Variants in WDPCP observed in about 807,000 individuals in gnomAD.
WDPCP encodes the protein WD repeat-containing and planar cell polarity effector protein fritz homolog.
A neutral mutation model predicts 93.1 loss-of-function variants in WDPCP; 71 were observed. The ratio of observed to expected loss-of-function variants is 0.76; its 90% CI spans 0.63 to 0.93. The LOEUF (loss-of-function observed/expected upper bound fraction) is 0.93, where lower values mean the gene tolerates loss of function less well. WDPCP is among the 40% of genes least tolerant of loss of function. The pLI, the probability that WDPCP is intolerant of heterozygous loss-of-function variation, is 0.00. For synonymous variants in WDPCP, 315 were observed against 315.0 expected (o/e 1.00, Z 0.00); for missense variants, 844 against 887.4 (o/e 0.95, Z 0.62).
intron 2 of WDPCP, among the ~76,000 whole-genome samples, chr2:63,699,335 A>C (rs2103698479): frequency 6.6e-6 from 1 of 152,326 alleles, no homozygotes; most frequent in African/African-American, 2.4e-5. Flanking sequence ...CGTGAAAGAA[A>C]CCCATGTTCT....
chr2:63,303,022 G>A (rs1322235605), intron 13 of WDPCP, among the ~76,000 whole-genome samples: 4 of 152,122 alleles, frequency 2.6e-5, no homozygotes, highest in Non-Finnish European at 5.9e-5. Flanking sequence ...GTGGGGTCAG[G>A]GTATATACCC....
At chr2:63,201,975 A>G (rs960834721) in intron 14 of WDPCP, among the ~76,000 whole-genome samples, 11 of 150,334 alleles carry the variant, frequency 7.3e-5, no homozygotes, top group African/African-American at 2.0e-4. Flanking sequence ...TTGTTTTTCT[A>G]TTTTCTAGAT....
At chr2:63,583,638 G>A (rs568315271) in intron 1 of WDPCP, among the ~76,000 whole-genome samples, 10 of 149,876 alleles carry the variant, frequency 6.7e-5, no homozygotes, top group Non-Finnish European at 1.2e-4. Context: ...CCAAGATTGC[G>A]CCACTGCACT....
intron 14 of WDPCP, among the ~76,000 whole-genome samples, chr2:63,243,278 T>A (rs1159923164): frequency 6.6e-6 from 1 of 152,204 alleles, no homozygotes; most frequent in East Asian, 1.9e-4. Context: ...TTTGCATCTC[T>A]CTGATGGTTA....
intron 3 of WDPCP, among the ~76,000 whole-genome samples, chr2:63,645,806 T>A (rs1710041138): frequency 6.6e-6 from 1 of 152,242 alleles, no homozygotes; most frequent in African/African-American, 2.4e-5. Flanking sequence ...TTTTGTCTGA[T>A]ATAAGTATAG....
At chr2:63,217,224 A>C (rs75137252) in intron 14 of WDPCP, among the ~76,000 whole-genome samples, 2,716 of 152,316 alleles carry the variant, frequency 0.018, 89 homozygotes, top group African/African-American at 0.062. Flanking sequence ...TGTTATATAG[A>C]ATTTATATTT....
At chr2:63,127,662 C>CATATATATATAT (rs67091232) in intron 17 of WDPCP, among the ~76,000 whole-genome samples, 71 of 131,702 alleles carry the variant, frequency 5.4e-4, no homozygotes, top group African/African-American at 6.3e-4. Context: ...TGTGTATGTG[C>CATATATATATAT]ATATATATAT....
chr2:63,636,902 T>A (rs1192820770), intron 3 of WDPCP, among the ~76,000 whole-genome samples: 1 of 152,180 alleles, frequency 6.6e-6, no homozygotes, highest in African/African-American at 2.4e-5. Context: ...CCACTTTACA[T>A]CACTTCCAAA....
chr2:63,546,927 A>T (rs1705195085), intron 1 of WDPCP, among the ~76,000 whole-genome samples: 1 of 152,094 alleles, frequency 6.6e-6, no homozygotes, highest in African/African-American at 2.4e-5. Context: ...TAAAAAAAAG[A>T]CAAAAGATTT....
intron 6 of WDPCP, among the ~76,000 whole-genome samples, chr2:63,445,871 T>C (rs1451541764): frequency 6.6e-6 from 1 of 152,126 alleles, no homozygotes; most frequent in Non-Finnish European, 1.5e-5. Context: ...GCATGTAAAA[T>C]GACAGTATAA....
chr2:63,405,853 C>T (rs1290056232), intron 9 of WDPCP, among the ~76,000 whole-genome samples: 1 of 152,032 alleles, frequency 6.6e-6, no homozygotes, highest in Non-Finnish European at 1.5e-5. Flanking sequence ...CATATATCTA[C>T]ACGTTAAAAT....
At chr2:63,520,126 A>G (rs1459556397) in intron 1 of WDPCP, among the ~76,000 whole-genome samples, 1 of 152,230 alleles carries the variant, frequency 6.6e-6, no homozygotes, top group Non-Finnish European at 1.5e-5. Context: ...CAAACTGAGG[A>G]AAGAATCTCA....
In WDPCP at chr2:63,597,394, C is replaced by A. The variant is rs78810459; in HGVS notation, n.488+53265G>T. 2.6e-4 allele frequency: 359 copies of A among 1,384,644 alleles called. 2 individuals carry two copies. The East Asian group carries it at 9.4e-3, about 36-fold the overall frequency. The allele number at this position is 1,384,644 out of a possible 1,614,324, so 85.8% of individuals were successfully genotyped here. ...AGCTCTGCGTATTTATTGCCATGTC[C>A]ACAGATGTCATCGCAACAGATAAAG... is the stretch of plus-strand genomic sequence containing the variant. On this transcript the variant is annotated intron_variant and non_coding_transcript_variant, in intron 3 of 4. Transcript: ENST00000467687.
chr2:63,499,608 G>C lies in WDPCP; in HGVS notation c.76-6668C>G, dbSNP rs530835144. 4.6e-5 allele frequency among the ~76,000 whole-genome samples: 7 copies of C among 152,306 alleles called. No individual in the cohort carries two copies. The South Asian group carries it at 1.2e-3, about 27-fold the overall frequency. On this transcript the variant is annotated intron_variant, in intron 1 of 17. Transcript: ENST00000272321. The stretch of plus-strand genomic sequence containing the variant: ...TATTCAGTAACAAGGACCTGAATTG[G>C]GGTGGTGGCAGCTGGAATATAACAA...
At chr2:63,708,891 T>G (rs1039254683) in intron 2 of WDPCP, among the ~76,000 whole-genome samples, 2 of 151,252 alleles carry the variant, frequency 1.3e-5, no homozygotes, top group African/African-American at 4.8e-5. Flanking sequence ...ATTGCAGGCA[T>G]GAGCCACCTC....
intron 2 of WDPCP, among the ~76,000 whole-genome samples, chr2:63,667,466 C>A (rs1710297326): frequency 2.0e-5 from 3 of 152,156 alleles, no homozygotes; most frequent in Admixed American, 1.3e-4. Flanking sequence ...TAGTTAATTG[C>A]TTGTGGATTT....
chr2:63,645,528 A>G (rs1710037593), intron 3 of WDPCP, among the ~76,000 whole-genome samples: 1 of 152,194 alleles, frequency 6.6e-6, no homozygotes, highest in African/African-American at 2.4e-5. Context: ...CATTTGGTTT[A>G]TAGTGCAGAT....
rs924444761 is a variant in WDPCP, at chr2:63,703,408, G to A, written n.309-52570C>T. Among the ~76,000 whole-genome samples the A allele has an allele frequency of 8.5e-5, 13 of 152,226 alleles. No homozygotes were observed. In the East Asian group the frequency reaches 1.4e-3, roughly 16 times the overall value. ...GTTGTTTCCTGACTTTTTAATGATC[G>A]CCATTCTAAGTGGTGTGAGATGGTA... is the stretch of plus-strand genomic sequence containing the variant. On this transcript the variant is annotated intron_variant and non_coding_transcript_variant, in intron 2 of 4. Transcript: ENST00000467687.
At chr2:63,775,362 G>A (rs1670286684) in intron 2 of WDPCP, among the ~76,000 whole-genome samples, 1 of 152,156 alleles carries the variant, frequency 6.6e-6, no homozygotes, top group Non-Finnish European at 1.5e-5. Context: ...ACTGAACATT[G>A]TTATAACAAA....
Sources: allele counts gnomAD v4.1 joint callset (sites outside exome capture counted in the v4.1 genomes callset), GRCh38; gene constraint gnomAD v4.1.1; transcripts MANE v1.5; gene names NCBI Gene and HGNC (gene_info 2026-07-23, HGNC 2026-07-21).